The following EYS variants were observed in gnomAD, a reference collection of about 807,000 sequenced individuals.
EYS encodes the protein protein eyes shut homolog.
Under a neutral mutation model 282.1 loss-of-function variants are expected in EYS, and 250 were observed. That is an observed-to-expected ratio of 0.89 (90% CI 0.80 to 0.98). The LOEUF (loss-of-function observed/expected upper bound fraction) is 0.98. Among genes scored for constraint, EYS ranks in the 50% least tolerant of loss-of-function variants. The pLI is 0.00. For synonymous variants in EYS, 1,355 were observed against 1,282.9 expected (o/e 1.06, Z -1.20); for missense variants, 4,016 against 3,709.0 (o/e 1.08, Z -2.15).
intron 35 of EYS, among the ~76,000 whole-genome samples, chr6:63,881,430 T>C (rs1773129340): frequency 6.6e-6 from 1 of 152,216 alleles, no homozygotes; most frequent in South Asian, 2.1e-4. Flanking sequence ...TTTTATTTTA[T>C]TGTATTTAGC....
intron 5 of EYS, among the ~76,000 whole-genome samples, chr6:65,479,153 G>T (rs936609772): frequency 1.3e-5 from 2 of 151,228 alleles, no homozygotes; most frequent in African/African-American, 4.8e-5. Flanking sequence ...GACCACAAAT[G>T]GTTGAACTAA....
chr6:64,740,987 A>G (rs139500176), intron 22 of EYS, among the ~76,000 whole-genome samples: 6,614 of 152,202 alleles, frequency 0.043, 338 homozygotes, highest in East Asian at 0.15. Context: ...TGCTGGGATT[A>G]CAGGCGTGAG....
chr6:64,312,625 GGC>G lies in EYS; in HGVS notation c.6079-5545_6079-5544del, dbSNP rs1769764143. ...TAGGGGCTGACAGGCATCTCATATA[GGC>G]GAGCTCTGGCTGGCATCTGGCTGGT... is the stretch of plus-strand genomic sequence containing the variant. On this transcript the variant is annotated intron_variant, in intron 29 of 42. Transcript: ENST00000503581. Among the ~76,000 whole-genome samples, 3 of 152,286 alleles carry G rather than the reference GGC, an allele frequency of 2.0e-5. No individual in the cohort carries two copies. In the South Asian group the frequency reaches 6.2e-4, roughly 32 times the overall value.
At chr6:65,419,661 C>G (rs1219647864) in intron 5 of EYS, among the ~76,000 whole-genome samples, 1 of 151,682 alleles carries the variant, frequency 6.6e-6, no homozygotes, top group Non-Finnish European at 1.5e-5. Context: ...ATGTAATGTA[C>G]CTCAATATAT....
intron 30 of EYS, among the ~76,000 whole-genome samples, chr6:64,242,514 C>G (rs1176323061): frequency 6.6e-6 from 1 of 151,996 alleles, no homozygotes; most frequent in Non-Finnish European, 1.5e-5. Context: ...TTTTTGACAT[C>G]CGTGACTTTA....
At chr6:65,683,679 A>T (rs1768909103) in intron 1 of EYS, among the ~76,000 whole-genome samples, 2 of 152,038 alleles carry the variant, frequency 1.3e-5, no homozygotes, top group African/African-American at 4.8e-5. Context: ...AAAAACTAGC[A>T]GCACATTCAG....
rs138228785 is a variant in EYS at position 64,006,841 on chromosome 6, G to A, written c.6726-7658C>T. On this transcript the variant is annotated intron_variant, in intron 33 of 42. Transcript: ENST00000503581. ...GCAAATATTTCATCCCAAGGATAGA[G>A]CCTACTTGGTCATGGTGGATAAGCT... 5.6e-3 allele frequency among the ~76,000 whole-genome samples: 851 copies of A among 152,212 alleles called. 11 individuals are homozygous for A. The highest frequency in any genetic ancestry group is 0.019 in the African/African-American group (804 of 41,552).
chr6:64,351,913 A>T (rs1582640357), intron 29 of EYS, among the ~76,000 whole-genome samples: 1 of 151,724 alleles, frequency 6.6e-6, no homozygotes, highest in South Asian at 2.1e-4. Flanking sequence ...TTGATTATTT[A>T]CTATATCAGG....
intron 29 of EYS, 76 bp downstream of exon 29, chr6:64,388,614 C>A (rs941436646): frequency 1.8e-5 from 24 of 1,326,644 alleles, no homozygotes; most frequent in Non-Finnish European, 2.4e-5. Flanking sequence ...TAAAGTTTTT[C>A]TTTTTCATTT....
intron 26 of EYS, among the ~76,000 whole-genome samples, chr6:64,464,674 C>G (rs1367457385): frequency 6.6e-6 from 1 of 151,924 alleles, no homozygotes; most frequent in Non-Finnish European, 1.5e-5. Flanking sequence ...GTCAAGATAA[C>G]TGGGTGATAT....
At chr6:64,411,925 G>GTATGTATGTTTATATATGCATGCATA (rs1773908171) in intron 28 of EYS, among the ~76,000 whole-genome samples, 1 of 117,318 alleles carries the variant, frequency 8.5e-6, no homozygotes. Flanking sequence ...ATGCATGCAT[G>GTATGTATGTTTATATATGCATGCATA]TATGTATATA....
At chr6:64,356,905 A>G (rs1165789059) in intron 29 of EYS, among the ~76,000 whole-genome samples, 1 of 151,626 alleles carries the variant, frequency 6.6e-6, no homozygotes. Flanking sequence ...CTGTCAGGTG[A>G]GCAAGCTTAA....
chr6:65,503,315 T>A (rs2127279151), intron 2 of EYS, among the ~76,000 whole-genome samples: 1 of 151,782 alleles, frequency 6.6e-6, no homozygotes, highest in African/African-American at 2.4e-5. Context: ...ATTAGTTCTT[T>A]GTTTTATTAT....
chr6:65,162,616 AT>A (rs945745086), intron 12 of EYS, among the ~76,000 whole-genome samples: 2 of 150,614 alleles, frequency 1.3e-5, no homozygotes, highest in East Asian at 3.9e-4. Context: ...ATTTTATTTT[AT>A]TTTTTTGGCT....
intron 22 of EYS, among the ~76,000 whole-genome samples, chr6:64,724,716 T>C (rs934216049): frequency 1.3e-5 from 2 of 152,170 alleles, no homozygotes; most frequent in Non-Finnish European, 1.5e-5. Flanking sequence ...ATATACATCA[T>C]CTGATATGCA....
intron 12 of EYS, among the ~76,000 whole-genome samples, chr6:65,120,671 A>G (rs1292200675): frequency 3.3e-5 from 5 of 152,048 alleles, no homozygotes; most frequent in Non-Finnish European, 4.4e-5. Context: ...GAATACACCT[A>G]AAAAGCACAA....
At chr6:64,313,175 G>C (rs1439581662) in intron 29 of EYS, among the ~76,000 whole-genome samples, 1 of 152,188 alleles carries the variant, frequency 6.6e-6, no homozygotes, top group Non-Finnish European at 1.5e-5. Flanking sequence ...AACCAGTTTA[G>C]AGAAGAACAT....
In EYS at chr6:63,990,938, T is replaced by C. The variant is rs537198317; in HGVS notation, c.6835-6335A>G. 4.0e-5 allele frequency among the ~76,000 whole-genome samples: 6 copies of C among 151,736 alleles called. No individual in the cohort carries two copies. In the South Asian group the frequency reaches 1.0e-3, roughly 26 times the overall value. ...GTGAAAGAGTGGATCATGCACCCAA[T>C]GTTCTGGCTTTTCAGAATGTTACAA... is the stretch of plus-strand genomic sequence containing the variant. On this transcript the variant is annotated intron_variant, in intron 34 of 42. Coordinates refer to ENST00000503581, the MANE Select transcript of EYS (RefSeq NM_001142800.2).
At chr6:63,797,620 T>C (rs906329681) in intron 37 of EYS, 3 of 152,248 alleles carry the variant, frequency 2.0e-5, no homozygotes, top group African/African-American at 7.2e-5. Context: ...TATTCAGTTA[T>C]GGATATTCTA....
Sources: gnomAD v4.1 joint callset for allele counts (sites outside exome capture counted in the v4.1 genomes callset) on GRCh38, gnomAD v4.1.1 for gene constraint, MANE v1.5 for transcripts, NCBI Gene and HGNC (gene_info 2026-07-23, HGNC 2026-07-21) for gene names.